Variants in ATRNL1 observed in about 807,000 individuals in gnomAD.
ATRNL1 encodes attractin like 1.
In ATRNL1, 95 loss-of-function variants were observed where a neutral mutation model predicts 182.7. The observed-to-expected ratio is 0.52, with a 90% CI of 0.44 to 0.62. The LOEUF (loss-of-function observed/expected upper bound fraction) is 0.62. Ranked by LOEUF, ATRNL1 falls within the 20% of genes least tolerant of loss-of-function variation. The probability of loss-of-function intolerance (pLI) is 0.00; values close to 1 mark genes in which losing one functional copy is unlikely to be tolerated. For synonymous variants in ATRNL1, 576 were observed against 568.3 expected (o/e 1.01, Z -0.19); for missense variants, 1,471 against 1,679.5 (o/e 0.88, Z 2.17).
At chr10:115,685,243 A>T (rs923628621) in intron 26 of ATRNL1, among the ~76,000 whole-genome samples, 5 of 151,778 alleles carry the variant, frequency 3.3e-5, no homozygotes, top group Non-Finnish European at 5.9e-5. Context: ...AGCAAAATCA[A>T]GAAGTTAGAA....
At chr10:115,211,913 G>A (rs527279924) in intron 8 of ATRNL1, among the ~76,000 whole-genome samples, 20 of 151,688 alleles carry the variant, frequency 1.3e-4, no homozygotes, top group Non-Finnish European at 2.8e-4. Flanking sequence ...ACAAATGTTG[G>A]ATCATTTGTT....
chr10:115,115,586 T>C (rs1434085428), intron 1 of ATRNL1, among the ~76,000 whole-genome samples: 1 of 152,124 alleles, frequency 6.6e-6, no homozygotes, highest in Non-Finnish European at 1.5e-5. Flanking sequence ...ATAAATAGTA[T>C]TTTAACTAGA....
chr10:115,444,536 T>C (rs1390561219), intron 21 of ATRNL1, among the ~76,000 whole-genome samples: 1 of 151,968 alleles, frequency 6.6e-6, no homozygotes, highest in Non-Finnish European at 1.5e-5. Context: ...ATATTCATAT[T>C]TCTGTATAAT....
At chr10:115,825,197 C>T (rs775729106) in intron 27 of ATRNL1, among the ~76,000 whole-genome samples, 73 of 152,136 alleles carry the variant, frequency 4.8e-4, no homozygotes, top group Non-Finnish European at 6.6e-4. Context: ...AACCAAACAT[C>T]GCATGTTCTC....
chr10:115,222,793 A>C (rs1465431651), intron 9 of ATRNL1, among the ~76,000 whole-genome samples: 1 of 152,210 alleles, frequency 6.6e-6, no homozygotes, highest in Non-Finnish European at 1.5e-5. Context: ...GGAAATACTA[A>C]TTACAATAAG....
At chr10:115,114,219 A>C (rs1024955234) in intron 1 of ATRNL1, among the ~76,000 whole-genome samples, 8 of 152,212 alleles carry the variant, frequency 5.3e-5, no homozygotes, top group Admixed American at 3.3e-4. Context: ...AATGAAATTA[A>C]ACCCTTATCT....
At chr10:115,909,813 A>G (rs897503135) in intron 28 of ATRNL1, among the ~76,000 whole-genome samples, 1 of 152,072 alleles carries the variant, frequency 6.6e-6, no homozygotes, top group Non-Finnish European at 1.5e-5. Flanking sequence ...ATCAGAGATA[A>G]CTTTGTAGCG....
intron 28 of ATRNL1, among the ~76,000 whole-genome samples, chr10:115,941,330 AC>A (rs1953724583): frequency 6.6e-6 from 1 of 152,164 alleles, no homozygotes; most frequent in Non-Finnish European, 1.5e-5. Flanking sequence ...TCATTAGTAA[AC>A]CCAGGACATG....
intron 13 of ATRNL1, among the ~76,000 whole-genome samples, chr10:115,275,013 G>A (rs1449979903): frequency 6.6e-6 from 1 of 152,154 alleles, no homozygotes; most frequent in Non-Finnish European, 1.5e-5. Flanking sequence ...CATCCTTTAA[G>A]TCCTTGATTG....
At chr10:115,321,904 G>A (rs1854604188) in intron 18 of ATRNL1, among the ~76,000 whole-genome samples, 1 of 151,890 alleles carries the variant, frequency 6.6e-6, no homozygotes, top group African/African-American at 2.4e-5. Context: ...ACTGACAAAT[G>A]AATTCAGTAA....
At chr10:115,654,205 T>G (rs1860185839) in intron 26 of ATRNL1, among the ~76,000 whole-genome samples, 1 of 152,016 alleles carries the variant, frequency 6.6e-6, no homozygotes, top group African/African-American at 2.4e-5. Context: ...AATGGAAATC[T>G]GTGAATTTCT....
At chr10:115,569,396 G>T (rs954717019) in intron 26 of ATRNL1, among the ~76,000 whole-genome samples, 2 of 152,110 alleles carry the variant, frequency 1.3e-5, no homozygotes, top group Non-Finnish European at 2.9e-5. Flanking sequence ...TTGCTTAATG[G>T]AAATTATATT....
At chr10:115,828,467 G>C (rs115119218) in intron 27 of ATRNL1, among the ~76,000 whole-genome samples, 1 of 152,178 alleles carries the variant, frequency 6.6e-6, no homozygotes, top group African/African-American at 2.4e-5. Flanking sequence ...TTCATGGCTT[G>C]TCAGTTATTT....
chr10:115,492,105 G>A (rs1190371185), intron 24 of ATRNL1, among the ~76,000 whole-genome samples: 1 of 152,126 alleles, frequency 6.6e-6, no homozygotes, highest in Admixed American at 6.6e-5. Context: ...GATGAACGGT[G>A]TACTTCAGTT....
chr10:115,711,498 C>A (rs889875872), intron 26 of ATRNL1, among the ~76,000 whole-genome samples: 3 of 152,204 alleles, frequency 2.0e-5, no homozygotes, highest in Non-Finnish European at 1.5e-5. Flanking sequence ...ATGGCAAAAG[C>A]TTTTCCCCTC....
chr10:115,416,250 T>A (rs1289570778), intron 20 of ATRNL1, among the ~76,000 whole-genome samples: 1 of 152,062 alleles, frequency 6.6e-6, no homozygotes, highest in African/African-American at 2.4e-5. Context: ...CAAAATCATA[T>A]TGTTATGTTT....
chr10:115,586,463 T>C (rs1855509124), intron 26 of ATRNL1, among the ~76,000 whole-genome samples: 1 of 106,274 alleles, frequency 9.4e-6, no homozygotes, highest in Non-Finnish European at 2.1e-5. Context: ...CTTTTTATTC[T>C]TTTTTCTCTA....
At chr10:115,587,563 A>T (rs71472868) in intron 26 of ATRNL1, among the ~76,000 whole-genome samples, 68,090 of 146,086 alleles carry the variant, frequency 0.47, 18,156 homozygotes, top group East Asian at 0.84. Flanking sequence ...TAGGAAAGGG[A>T]ACTCCCTGAC....
chr10:115,630,243 CA>C (rs1858394703), intron 26 of ATRNL1, among the ~76,000 whole-genome samples: 1 of 151,818 alleles, frequency 6.6e-6, no homozygotes, highest in Non-Finnish European at 1.5e-5. Flanking sequence ...TACAGAAGGA[CA>C]ATAGATATAT....
Sources: gnomAD v4.1 joint callset for allele counts (sites outside exome capture counted in the v4.1 genomes callset) on GRCh38, gnomAD v4.1.1 for gene constraint, MANE v1.5 for transcripts, NCBI Gene and HGNC (gene_info 2026-07-23, HGNC 2026-07-21) for gene names.